Variants in CHODL observed in about 807,000 individuals in gnomAD.
CHODL encodes transmembrane protein MT75.
In CHODL, 29 loss-of-function variants were observed where a neutral mutation model predicts 34.5. The ratio of observed to expected loss-of-function variants is 0.84; its 90% CI spans 0.63 to 1.15. CHODL has a LOEUF of 1.15. CHODL is among the 50% of genes most tolerant of loss of function. The probability of loss-of-function intolerance (pLI) is 0.00; values close to 1 mark genes in which losing one functional copy is unlikely to be tolerated. For missense variants in CHODL, 332 were observed against 332.5 expected (o/e 1.00, Z 0.01); for synonymous variants, 125 against 116.1 (o/e 1.08, Z -0.49).
intron 1 of CHODL, among the ~76,000 whole-genome samples, chr21:17,994,987 G>A (rs1261489475): frequency 6.6e-6 from 1 of 152,106 alleles, no homozygotes; most frequent in East Asian, 1.9e-4. Context: ...CAACCTCGCT[G>A]GTGCACTGTA....
At chr21:18,045,179 C>T (rs559216648) in intron 2 of CHODL, among the ~76,000 whole-genome samples, 16 of 151,994 alleles carry the variant, frequency 1.1e-4, no homozygotes, top group African/African-American at 2.4e-4. Flanking sequence ...AGAAAGAGAA[C>T]GTTTCAAACA....
At chr21:18,128,693 G>A (rs540510497) in intron 2 of CHODL, among the ~76,000 whole-genome samples, 4 of 152,206 alleles carry the variant, frequency 2.6e-5, no homozygotes, top group African/African-American at 9.6e-5. Context: ...GCAAGGAGAA[G>A]GAATAGAGAG....
intron 1 of CHODL, among the ~76,000 whole-genome samples, chr21:17,919,824 G>C (rs2063170228): frequency 6.6e-6 from 1 of 152,128 alleles, no homozygotes; most frequent in Admixed American, 6.6e-5. Flanking sequence ...CAGCACCCAA[G>C]TCACCTCTTG....
intron 2 of CHODL, among the ~76,000 whole-genome samples, chr21:18,231,999 G>T (rs1283556674): frequency 3.9e-5 from 6 of 152,010 alleles, no homozygotes; most frequent in African/African-American, 1.2e-4. Flanking sequence ...TCCAGGCCTG[G>T]TCTATGCGGA....
intron 2 of CHODL, among the ~76,000 whole-genome samples, chr21:18,198,192 G>C (rs1394899107): frequency 6.6e-6 from 1 of 152,104 alleles, no homozygotes. Flanking sequence ...ATTATACAAA[G>C]AACTTCCATA....
At chr21:18,210,117 G>C (rs1235154532) in intron 2 of CHODL, among the ~76,000 whole-genome samples, 2 of 152,138 alleles carry the variant, frequency 1.3e-5, no homozygotes, top group East Asian at 3.9e-4. Flanking sequence ...TAGCATCCCA[G>C]AGTACTTCAT....
chr21:18,260,203 T>G lies in CHODL; in HGVS notation c.551T>G (p.Ile184Ser). The change falls in exon 4 of 6, where the codon ATT (isoleucine) becomes AGT (serine). Residue 184 changes from isoleucine (I) to serine (S), a missense_variant. By Grantham distance (142) the Ile-to-Ser change is moderately radical. Coordinates refer to ENST00000299295, the MANE Select transcript of CHODL (RefSeq NM_024944.3). ...HNYICKYEPE[I>S]NPTAPVEKPY... ...TGGTGGTTCTTATTATTTACAGAGA[T>G]TAATCCAACAGCCCCTGTAGAAAAG... The G allele has an allele frequency of 6.5e-7, 1 of 1,541,480 alleles. No individual in the cohort carries two copies. The highest frequency in any genetic ancestry group is 8.8e-7 in the Non-Finnish European group (1 of 1,140,722).
chr21:18,245,069 G>A lies in CHODL; in HGVS notation c.-155G>A. The A allele has an allele frequency of 1.7e-6, 1 of 589,134 alleles. No individual in the cohort carries two copies. The highest frequency in any genetic ancestry group is 3.6e-5 in the East Asian group (1 of 28,148). 36.5% of individuals were successfully genotyped at this position (589,134 alleles called of 1,614,324 possible). A position where few individuals can be genotyped will look rare whatever the true frequency, so the allele number is the denominator to read the frequency against. On this transcript the variant is annotated 5_prime_UTR_variant, in exon 1 of 6. Transcript: ENST00000299295. ...CGGCAGGCGGCAGGTCCCGGCCGAAGGCGATGCGCGCAGGGGGTCGGGCAG... is the reference window on the plus strand; with the variant it reads ...CGGCAGGCGGCAGGTCCCGGCCGAAAGCGATGCGCGCAGGGGGTCGGGCAG...
intron 1 of CHODL, among the ~76,000 whole-genome samples, chr21:18,006,363 A>G (rs1405277788): frequency 6.6e-6 from 1 of 151,932 alleles, no homozygotes; most frequent in East Asian, 1.9e-4. Flanking sequence ...AAAGAAAAAA[A>G]AAAAAGAAAA....
intron 2 of CHODL, among the ~76,000 whole-genome samples, chr21:18,150,747 A>T (rs1317417968): frequency 1.3e-5 from 2 of 152,118 alleles, no homozygotes; most frequent in Non-Finnish European, 2.9e-5. Context: ...CTAAAAATGT[A>T]TTCTAATCAT....
At chr21:18,198,304 A>T (rs2073612016) in intron 2 of CHODL, among the ~76,000 whole-genome samples, 1 of 152,184 alleles carries the variant, frequency 6.6e-6, no homozygotes, top group Admixed American at 6.5e-5. Context: ...CCCAAAGATC[A>T]TGTAAATATT....
chr21:17,933,565 T>C (rs2063293922), intron 1 of CHODL, among the ~76,000 whole-genome samples: 2 of 152,180 alleles, frequency 1.3e-5, no homozygotes, highest in Non-Finnish European at 2.9e-5. Flanking sequence ...GGTAAGGTCA[T>C]AGATTAACAG....
chr21:18,005,409 T>G (rs1016590666), intron 1 of CHODL, among the ~76,000 whole-genome samples: 1 of 152,244 alleles, frequency 6.6e-6, no homozygotes, highest in Non-Finnish European at 1.5e-5. Context: ...TACATTTGAC[T>G]GGTAGGACAA....
intron 1 of CHODL, among the ~76,000 whole-genome samples, chr21:18,003,049 G>C (rs898333972): frequency 2.4e-4 from 37 of 151,594 alleles, no homozygotes; most frequent in African/African-American, 8.5e-4. Context: ...CGTGAACCCC[G>C]GGGGGCGGAG....
chr21:17,936,327 A>G (rs1165640446), intron 1 of CHODL, among the ~76,000 whole-genome samples: 1 of 152,188 alleles, frequency 6.6e-6, no homozygotes, highest in Admixed American at 6.5e-5. Context: ...CATAACCTTA[A>G]TGATTTTGGT....
chr21:18,025,113 A>T (rs1230130195), intron 1 of CHODL, among the ~76,000 whole-genome samples: 8 of 152,180 alleles, frequency 5.3e-5, no homozygotes, highest in African/African-American at 1.9e-4. Context: ...TGATTCTGCT[A>T]ATCAGGTTCA....
At chr21:18,081,416 C>T (rs1208018930) in intron 2 of CHODL, among the ~76,000 whole-genome samples, 1 of 151,996 alleles carries the variant, frequency 6.6e-6, no homozygotes. Flanking sequence ...TGCGGTGGCT[C>T]ACATCTGTAA....
At chr21:18,088,730 T>G (rs916581877) in intron 2 of CHODL, among the ~76,000 whole-genome samples, 1 of 152,224 alleles carries the variant, frequency 6.6e-6, no homozygotes, top group Non-Finnish European at 1.5e-5. Context: ...TGTGAGTATC[T>G]ACTTACTATT....
chr21:18,242,183 C>T (rs550386873), upstream of CHODL, among the ~76,000 whole-genome samples: 20 of 152,094 alleles, frequency 1.3e-4, no homozygotes, highest in Non-Finnish European at 2.2e-4. Context: ...GATCAATTTG[C>T]AAACAATTCT....
Sources: gnomAD v4.1 joint callset for allele counts (sites outside exome capture counted in the v4.1 genomes callset) on GRCh38, gnomAD v4.1.1 for gene constraint, MANE v1.5 for transcripts, NCBI Gene and HGNC (gene_info 2026-07-23, HGNC 2026-07-21) for gene names.